The following PPARGC1A variants were observed in gnomAD, a reference collection of about 807,000 sequenced individuals.
The protein encoded by PPARGC1A is peroxisome proliferator-activated receptor gamma coactivator 1-alpha.
Under a neutral mutation model 88.7 loss-of-function variants are expected in PPARGC1A, and 25 were observed. The observed-to-expected ratio is 0.28, with a 90% CI of 0.21 to 0.39. PPARGC1A has a LOEUF of 0.39. Ranked by LOEUF, PPARGC1A falls within the 10% of genes least tolerant of loss-of-function variation. The probability of loss-of-function intolerance (pLI) is 1.00; values close to 1 mark genes in which losing one functional copy is unlikely to be tolerated. For synonymous variants in PPARGC1A, 363 were observed against 355.6 expected (o/e 1.02, Z -0.24); for missense variants, 880 against 968.7 (o/e 0.91, Z 1.22).
At chr4:24,335,946 C>T in the PPARGC1A span, among the ~76,000 whole-genome samples, 3 of 152,102 alleles carry the variant, frequency 2.0e-5, no homozygotes, top group Non-Finnish European at 4.4e-5. Flanking sequence ...AGAATAAATA[C>T]ATAAATAAAG....
chr4:24,049,489 C>T, the PPARGC1A span, among the ~76,000 whole-genome samples: 47 of 151,228 alleles, frequency 3.1e-4, no homozygotes, highest in Non-Finnish European at 5.5e-4. Context: ...TGAAATTTGT[C>T]GGGGAAAACG....
chr4:24,455,489 T>A, the PPARGC1A span, among the ~76,000 whole-genome samples: 731 of 152,206 alleles, frequency 4.8e-3, 20 homozygotes, highest in South Asian at 0.04. Flanking sequence ...CTGAAAAAAA[T>A]TAAAATAAAT....
chr4:24,074,800 A>G, the PPARGC1A span, among the ~76,000 whole-genome samples: 1 of 152,260 alleles, frequency 6.6e-6, no homozygotes, highest in East Asian at 1.9e-4. Context: ...AGTGTTCCCT[A>G]CACCCTAACT....
At chr4:23,977,008 AAGAG>A in the PPARGC1A span, among the ~76,000 whole-genome samples, 4 of 151,916 alleles carry the variant, frequency 2.6e-5, no homozygotes, top group East Asian at 5.8e-4. Context: ...GGAGAAGGAA[AAGAG>A]AGAGGAGGAG....
At chr4:24,287,079 C>T in the PPARGC1A span, among the ~76,000 whole-genome samples, 2,238 of 152,122 alleles carry the variant, frequency 0.015, 35 homozygotes, top group Middle Eastern at 0.031. Flanking sequence ...ACGGTACCAC[C>T]GACATTCATT....
the PPARGC1A span, among the ~76,000 whole-genome samples, chr4:24,062,783 C>A: frequency 6.6e-6 from 1 of 152,216 alleles, no homozygotes; most frequent in Non-Finnish European, 1.5e-5. Context: ...GACTATACTA[C>A]CAATTCAAAT....
the PPARGC1A span, among the ~76,000 whole-genome samples, chr4:24,413,616 G>A: frequency 5.3e-5 from 8 of 152,192 alleles, no homozygotes; most frequent in Non-Finnish European, 1.2e-4. Context: ...CCTTGTGGGG[G>A]GGTAGGGATC....
chr4:24,169,780 T>C, the PPARGC1A span, among the ~76,000 whole-genome samples: 1 of 152,066 alleles, frequency 6.6e-6, no homozygotes, highest in Non-Finnish European at 1.5e-5. Context: ...GAGGTTGCAG[T>C]GAGCAGAGAT....
chr4:24,044,398 G>C, the PPARGC1A span, among the ~76,000 whole-genome samples: 1 of 152,276 alleles, frequency 6.6e-6, no homozygotes, highest in South Asian at 2.1e-4. Context: ...TGCAAGCACA[G>C]CAAAAGTATT....
At chr4:24,233,311 A>G in the PPARGC1A span, among the ~76,000 whole-genome samples, 11 of 152,324 alleles carry the variant, frequency 7.2e-5, no homozygotes, top group East Asian at 1.2e-3. Flanking sequence ...TGTATCATAC[A>G]TAAGCCATTC....
intron 1 of PPARGC1A, chr4:23,889,511 T>TA: frequency 2.4e-6 from 1 of 415,670 alleles, no homozygotes. Flanking sequence ...TTAATATTTT[T>TA]ATCTTCGTCT....
At chr4:24,294,033 T>G in the PPARGC1A span, among the ~76,000 whole-genome samples, 1 of 152,174 alleles carries the variant, frequency 6.6e-6, no homozygotes, top group Admixed American at 6.5e-5. Context: ...CCTTATTATT[T>G]ATCTGAGGCT....
At chr4:23,930,124 T>G in the PPARGC1A span, among the ~76,000 whole-genome samples, 142 of 152,298 alleles carry the variant, frequency 9.3e-4, 1 homozygote, top group African/African-American at 3.2e-3. Context: ...CTAGATATTC[T>G]GTTTCATTTA....
At chr4:23,806,208 T>C (rs1312721981) in intron 10 of PPARGC1A, among the ~76,000 whole-genome samples, 2 of 152,172 alleles carry the variant, frequency 1.3e-5, no homozygotes, top group Non-Finnish European at 2.9e-5. Context: ...AAAGGCTTAT[T>C]TGAGAAAATT....
the PPARGC1A span, among the ~76,000 whole-genome samples, chr4:23,971,722 G>A: frequency 1.3e-5 from 2 of 152,182 alleles, no homozygotes; most frequent in African/African-American, 2.4e-5. Context: ...CCAGCGCACT[G>A]ACTCAAATGC....
the PPARGC1A span, among the ~76,000 whole-genome samples, chr4:24,147,964 A>C: frequency 0.012 from 1,849 of 152,176 alleles, 22 homozygotes; most frequent in South Asian, 0.036. Context: ...AACAAACAAA[A>C]AAAATACAGA....
the PPARGC1A span, among the ~76,000 whole-genome samples, chr4:24,082,336 A>T: frequency 6.6e-6 from 1 of 152,078 alleles, no homozygotes; most frequent in African/African-American, 2.4e-5. Flanking sequence ...GGACTTTATG[A>T]GAGGCTTTAG....
chr4:23,947,753 T>C, the PPARGC1A span, among the ~76,000 whole-genome samples: 5 of 152,006 alleles, frequency 3.3e-5, no homozygotes, highest in Admixed American at 6.6e-5. Context: ...GCTTTGTCCA[T>C]TGCACCCTAG....
At chr4:24,375,531 T>C in the PPARGC1A span, among the ~76,000 whole-genome samples, 126 of 152,326 alleles carry the variant, frequency 8.3e-4, no homozygotes, top group African/African-American at 2.9e-3. Flanking sequence ...AGATCCATCA[T>C]TTGTGCATCA....
Sources: allele counts gnomAD v4.1 joint callset (sites outside exome capture counted in the v4.1 genomes callset), GRCh38; gene constraint gnomAD v4.1.1; transcripts MANE v1.5; gene names NCBI Gene and HGNC (gene_info 2026-07-23, HGNC 2026-07-21).